LIG1: variants seen among roughly 807,000 people sequenced by gnomAD.
LIG1 encodes DNA ligase 1.
LIG1 carries 70 observed loss-of-function variants against 115.7 expected under a neutral mutation model. That is an observed-to-expected ratio of 0.60 (90% CI 0.50 to 0.74). The LOEUF (loss-of-function observed/expected upper bound fraction) is 0.74, where lower values mean the gene tolerates loss of function less well. Ranked by LOEUF, LIG1 falls within the 30% of genes least tolerant of loss-of-function variation. The pLI is 0.00. For missense variants in LIG1, 1,115 were observed against 1,225.6 expected, an observed-to-expected ratio of 0.91 and a Z score of 1.35; for synonymous variants, 487 against 495.3, an observed-to-expected ratio of 0.98 and a Z score of 0.22.
chr19:48,165,293 C>T (rs2036417926), intron 2 of LIG1, among the ~76,000 whole-genome samples: 1 of 152,050 alleles, frequency 6.6e-6, no homozygotes, highest in African/African-American at 2.4e-5. Flanking sequence ...GCCAGATGTT[C>T]CCTGGGGAGC....
In LIG1 at chr19:48,117,624, C is replaced by G; in HGVS notation, c.2583+14G>C. 1 of 1,611,330 alleles carries G rather than the reference C, an allele frequency of 6.2e-7. No individual in the cohort carries two copies. Among genetic ancestry groups the G allele is most frequent in the East Asian group, 2.2e-5 (1 of 44,858 alleles). ...ATCCCACACAGGGCCACGGCCAGGT[C>G]CTCTGCCACTCACCAGGCCCCGCGC... On this transcript the variant is annotated intron_variant, in intron 26 of 27. Transcript: ENST00000263274.
Position 48,157,132 on chromosome 19 carries a change from G to C in LIG1, c.252C>G (p.Ala84=). The change falls in exon 5 of 28, where the codon GCC becomes GCG. Residue 84 remains alanine (A), a synonymous_variant. Transcript: ENST00000263274. ...GCGGGGAGACCTGTGAGCAGTCCAG[G>C]GCAGGCTTCTGGAAGAGGAAAGAAC... The part of the protein sequence containing the change: ...ALSPAKGQKP[A]LDCSQVSPPR... The C allele has an allele frequency of 6.2e-7, 1 of 1,610,976 alleles. No homozygotes were observed. Among genetic ancestry groups the C allele is most frequent in the Middle Eastern group, 1.7e-4 (1 of 6,034 alleles).
rs1388358336 is a variant in LIG1, at chr19:48,137,470, C to G, written c.1254+52G>C. 1.1e-5 allele frequency: 18 copies of G among 1,602,106 alleles called. No individual in the cohort carries two copies. In the East Asian group the frequency reaches 4.0e-4, roughly 36 times the overall value. On this transcript the variant is annotated intron_variant, in intron 13 of 27. Transcript: ENST00000263274. The surrounding 1 kb of genome is among the most constrained non-coding windows in gnomAD (Gnocchi z 4.3). The stretch of plus-strand genomic sequence containing the variant: ...GAAGCCTTCCTGACACACGCGTGGC[C>G]TCAGGTCCCCAAGATGTCTGGGGTC...
intron 16 of LIG1, among the ~76,000 whole-genome samples, chr19:48,134,766 G>C (rs963964071): frequency 1.3e-5 from 2 of 152,268 alleles, no homozygotes; most frequent in African/African-American, 4.8e-5. Context: ...AGAGCCCCAC[G>C]TGCAGGCAGA....
chr19:48,119,132 C>T lies in LIG1; in HGVS notation c.2439+5G>A. The T allele has an allele frequency of 6.3e-7, 1 of 1,576,980 alleles. No homozygotes were observed. The highest frequency in any genetic ancestry group is 1.4e-5 in the African/African-American group (1 of 73,862). On this transcript the variant is annotated splice_donor_5th_base_variant and intron_variant, in intron 25 of 27. Coordinates refer to ENST00000263274, the MANE Select transcript of LIG1 (RefSeq NM_000234.3). ...GGAGGCTGAGGCGCAGCCGCCATGGCTCACCTTGAGGCTCTGGTGATGCTC... is the reference window on the plus strand; with the variant it reads ...GGAGGCTGAGGCGCAGCCGCCATGGTTCACCTTGAGGCTCTGGTGATGCTC...
Position 48,128,011 on chromosome 19 carries a change from GGA to G in LIG1, c.1829_1830del (p.Leu610ProfsTer40). The G allele has an allele frequency of 1.2e-6, 2 of 1,614,016 alleles. No individual in the cohort carries two copies. The highest frequency in any genetic ancestry group is 1.7e-6 in the Non-Finnish European group (2 of 1,179,882). ...TCCAGGATGAAGGATGTGACCGATG[GGA>G]GTTTAATCTGAAAAGTGAAGGGAGA... ...DIISRIPKIK[L>X]PSVTSFILDT... On this transcript the variant is annotated frameshift_variant, in exon 20 of 28. Coordinates refer to ENST00000263274, the MANE Select transcript of LIG1 (RefSeq NM_000234.3). LOFTEE classifies it high-confidence loss of function.
chr19:48,165,190 C>T (rs1479191743), intron 2 of LIG1, among the ~76,000 whole-genome samples: 6 of 151,822 alleles, frequency 4.0e-5, no homozygotes, highest in South Asian at 2.1e-4. Context: ...ACTCATGAGG[C>T]GGAGGTTGCA....
intron 9 of LIG1, among the ~76,000 whole-genome samples, chr19:48,148,822 G>A (rs1454269264): frequency 6.6e-6 from 1 of 152,228 alleles, no homozygotes; most frequent in Non-Finnish European, 1.5e-5. Context: ...TTACAGTGAA[G>A]CAATTAATTG....
chr19:48,144,055 G>T, intron 9 of LIG1, 92 bp from the exon 10 acceptor site: 1 of 1,039,296 alleles, frequency 9.6e-7, no homozygotes, highest in South Asian at 1.3e-5. Flanking sequence ...CTCTGTTCAA[G>T]GCACACGGTG....
intron 18 of LIG1, 23 bp from the exon 19 acceptor site, chr19:48,131,194 G>A (rs1294771678): frequency 1.9e-6 from 3 of 1,592,196 alleles, no homozygotes; most frequent in Non-Finnish European, 1.7e-6. Context: ...GAGAAGGGAG[G>A]GGAAATCAGC....
intron 6 of LIG1, among the ~76,000 whole-genome samples, chr19:48,152,309 G>A (rs1298705882): frequency 2.6e-5 from 4 of 152,186 alleles, no homozygotes; most frequent in African/African-American, 9.6e-5. Flanking sequence ...TTTTGGTAGG[G>A]ATGGGGTTTC....
At chr19:48,141,167 T>C (rs1185127780) in intron 11 of LIG1, among the ~76,000 whole-genome samples, 2 of 152,068 alleles carry the variant, frequency 1.3e-5, no homozygotes, top group Non-Finnish European at 2.9e-5. Context: ...TGAGACGGAG[T>C]CTCGCTCCAT....
rs1362822997 is a variant in LIG1, at chr19:48,137,822, C to T, written c.1088-134G>A. On this transcript the variant is annotated intron_variant, in intron 12 of 27. Coordinates refer to ENST00000263274, the MANE Select transcript of LIG1 (RefSeq NM_000234.3). The surrounding 1 kb of genome is among the most constrained non-coding windows in gnomAD (Gnocchi z 4.3). The stretch of plus-strand genomic sequence containing the variant: ...AGTCCCTGCACCTCCCTGTGTCTAA[C>T]GCTCACCCACTTGGTAGAAATGGCT... 2.7e-6 allele frequency: 3 copies of T among 1,104,570 alleles called. No homozygotes were observed. The highest frequency in any genetic ancestry group is 1.5e-5 in the African/African-American group (1 of 64,614). 68.4% of individuals were successfully genotyped at this position (1,104,570 alleles called of 1,614,324 possible).
chr19:48,127,120 G>A, intron 21 of LIG1, 157 bp downstream of exon 21: 1 of 683,636 alleles, frequency 1.5e-6, no homozygotes, highest in Admixed American at 2.1e-5. Flanking sequence ...GGAACCTCAG[G>A]GGTCCTCAGA....
intron 16 of LIG1, among the ~76,000 whole-genome samples, 166 bp downstream of exon 16, chr19:48,135,514 C>T (rs1049682124): frequency 1.3e-5 from 2 of 152,150 alleles, no homozygotes; most frequent in African/African-American, 4.8e-5. Context: ...GTGTCAAGCA[C>T]CAGCCTTGTC....
At chr19:48,165,811 C>G (rs2036451323) in intron 1 of LIG1, 188 bp from the exon 2 acceptor site, 5 of 623,252 alleles carry the variant, frequency 8.0e-6, no homozygotes. Context: ...AGAATAAAAG[C>G]TCCAAATCAG....
chr19:48,116,134 A>C, intron 26 of LIG1, 169 bp from the exon 27 acceptor site: 1 of 644,058 alleles, frequency 1.6e-6, no homozygotes, highest in Non-Finnish European at 2.8e-6. Context: ...ACCCGGGCAC[A>C]GTAAGTGCTC....
At chr19:48,164,765 G>T (rs2036386199) in intron 2 of LIG1, among the ~76,000 whole-genome samples, 1 of 152,226 alleles carries the variant, frequency 6.6e-6, no homozygotes, top group Admixed American at 6.5e-5. Flanking sequence ...GTCAAGTCAT[G>T]CCCTTTCTTG....
chr19:48,156,313 C>T (rs1021235603), intron 5 of LIG1, among the ~76,000 whole-genome samples: 2 of 145,186 alleles, frequency 1.4e-5, no homozygotes, highest in Non-Finnish European at 3.1e-5. Flanking sequence ...TCCCTTGAGC[C>T]ATGGCCCCGC....
Sources: gnomAD v4.1 joint callset for allele counts (sites outside exome capture counted in the v4.1 genomes callset) on GRCh38, gnomAD v4.1.1 for gene constraint, Gnocchi (gnomAD v3.1) non-coding constraint, MANE v1.5 for transcripts, NCBI Gene and HGNC (gene_info 2026-07-23, HGNC 2026-07-21) for gene names.